DGLUCY: variants seen among roughly 807,000 people sequenced by gnomAD.
DGLUCY encodes D-glutamate cyclase, also known as D-glutamate cyclase, mitochondrial.
DGLUCY carries 58 observed loss-of-function variants against 58.5 expected under a neutral mutation model. The ratio of observed to expected loss-of-function variants is 0.99; its 90% confidence interval spans 0.80 to 1.23. The LOEUF (loss-of-function observed/expected upper bound fraction) is 1.23. Among genes scored for constraint, DGLUCY ranks in the 50% most tolerant of loss-of-function variants. The pLI, the probability that DGLUCY is intolerant of heterozygous loss-of-function variation, is 0.00. For synonymous variants in DGLUCY, 325 were observed against 314.1 expected (o/e 1.03, Z -0.37); for missense variants, 779 against 784.7 (o/e 0.99, Z 0.09).
chr14:91,181,098 C>A (rs2049142224), intron 7 of DGLUCY, 88 bp from the exon 8 acceptor site: 4 of 1,266,020 alleles, frequency 3.2e-6, no homozygotes, highest in Admixed American at 1.9e-5. Context: ...TGGCCAGGTG[C>A]CATCTTGCCT....
chr14:91,187,960 G>A (rs10135658), intron 8 of DGLUCY, among the ~76,000 whole-genome samples: 12,727 of 152,106 alleles, frequency 0.084, 1,548 homozygotes, highest in African/African-American at 0.27. Context: ...GGAATCCCCA[G>A]CTAATGGTGC....
intron 1 of DGLUCY, among the ~76,000 whole-genome samples, chr14:91,096,526 G>A (rs2080305174): frequency 6.6e-6 from 1 of 152,188 alleles, no homozygotes; most frequent in East Asian, 1.9e-4. Context: ...GTCAGTAACG[G>A]ATGGAGGAGT....
intron 7 of DGLUCY, 53 bp downstream of exon 7, chr14:91,176,109 G>T: frequency 6.3e-7 from 1 of 1,588,616 alleles, no homozygotes; most frequent in Non-Finnish European, 8.6e-7. Context: ...GAGCCCAGTG[G>T]GGTCTAGTTC....
intron 10 of DGLUCY, among the ~76,000 whole-genome samples, chr14:91,198,791 T>C (rs1308191844): frequency 2.6e-5 from 4 of 152,142 alleles, no homozygotes; most frequent in Admixed American, 2.6e-4. Flanking sequence ...CATGTTTCCC[T>C]TTGAACACTG....
At chr14:91,070,880 A>G (rs938484460) in intron 1 of DGLUCY, among the ~76,000 whole-genome samples, 1 of 152,240 alleles carries the variant, frequency 6.6e-6, no homozygotes, top group Non-Finnish European at 1.5e-5. Context: ...CACTGTGTCA[A>G]GGTAAAATGA....
intron 1 of DGLUCY, among the ~76,000 whole-genome samples, chr14:91,131,232 G>A (rs371699999): frequency 5.3e-5 from 8 of 152,264 alleles, no homozygotes; most frequent in Admixed American, 2.6e-4. Flanking sequence ...TTATAGACAC[G>A]GAATATCATG....
chr14:91,074,294 CAAAA>C (rs55872945), intron 1 of DGLUCY, among the ~76,000 whole-genome samples: 1,036 of 103,244 alleles, frequency 0.01, 10 homozygotes, highest in South Asian at 0.024. Context: ...TACCCTGTCT[CAAAA>C]AAAAAAAAAA....
At chr14:91,171,186 A>G (rs997991116) in intron 5 of DGLUCY, among the ~76,000 whole-genome samples, 1 of 152,160 alleles carries the variant, frequency 6.6e-6, no homozygotes, top group African/African-American at 2.4e-5. Flanking sequence ...GAGGAAACCG[A>G]GGTCTAAAGA....
At chr14:91,064,640 A>G (rs910220972) in intron 1 of DGLUCY, among the ~76,000 whole-genome samples, 33 of 151,598 alleles carry the variant, frequency 2.2e-4, no homozygotes, top group African/African-American at 5.6e-4. Context: ...AAAAAAAAAA[A>G]AAAGAAAAGA....
rs189949781 is a variant in DGLUCY at position 91,179,700 on chromosome 14, G to A, written c.731-1486G>A. On this transcript the variant is annotated intron_variant, in intron 7 of 13. Coordinates refer to ENST00000256324, the MANE Select transcript of DGLUCY (RefSeq NM_001102368.3). ...CGGGAGGCAGAGGTTGCAGTGAGCCGAGATCGCACCACTGCACTCCAACCT... is the reference window on the plus strand; with the variant it reads ...CGGGAGGCAGAGGTTGCAGTGAGCCAAGATCGCACCACTGCACTCCAACCT... Among the ~76,000 whole-genome samples, 347 of 148,944 alleles carry A rather than the reference G, an allele frequency of 2.3e-3. 7 individuals carry two copies. Among genetic ancestry groups the A allele is most frequent in the African/African-American group, 8.1e-3 (326 of 40,366 alleles).
chr14:91,074,906 C>G (rs182733706), intron 1 of DGLUCY, among the ~76,000 whole-genome samples: 1 of 152,140 alleles, frequency 6.6e-6, no homozygotes, highest in Admixed American at 6.5e-5. Context: ...AACCCCATCT[C>G]TACTAAAAAT....
Position 91,204,843 on chromosome 14 carries a change from C to A in DGLUCY, c.1564+18C>A. On this transcript the variant is annotated intron_variant, in intron 12 of 13. Coordinates refer to ENST00000256324, the MANE Select transcript of DGLUCY (RefSeq NM_001102368.3). ...CATTGCTGGTGAGCACTCGGATGGCCGCCCAGTCCGGCCGGCTACCCAGGG... is the reference window on the plus strand; with the variant it reads ...CATTGCTGGTGAGCACTCGGATGGCAGCCCAGTCCGGCCGGCTACCCAGGG... 1 of 1,613,684 alleles carries A rather than the reference C, an allele frequency of 6.2e-7. No individual in the cohort carries two copies. Among genetic ancestry groups the A allele is most frequent in the South Asian group, 1.1e-5 (1 of 91,034 alleles).
At chr14:91,190,266 C>G (rs1159421968) in intron 9 of DGLUCY, among the ~76,000 whole-genome samples, 1 of 152,088 alleles carries the variant, frequency 6.6e-6, no homozygotes, top group Non-Finnish European at 1.5e-5. Context: ...GGATTACAGG[C>G]GTGAGCCACC....
At chr14:91,166,033 A>G (rs981130890) in intron 3 of DGLUCY, among the ~76,000 whole-genome samples, 6 of 152,258 alleles carry the variant, frequency 3.9e-5, no homozygotes, top group Admixed American at 2.0e-4. Context: ...ATGCAACAAT[A>G]TGAATGAATC....
chr14:91,111,202 A>ATGTG (rs71120113), upstream of DGLUCY, among the ~76,000 whole-genome samples: 18 of 46,348 alleles, frequency 3.9e-4, no homozygotes, highest in African/African-American at 8.4e-4. Context: ...ATTTATATAT[A>ATGTG]TGTGTGTGTG....
chr14:91,174,668 G>A (rs965733228), intron 6 of DGLUCY, among the ~76,000 whole-genome samples: 3 of 152,188 alleles, frequency 2.0e-5, no homozygotes, highest in African/African-American at 4.8e-5. Flanking sequence ...TCTGTGAGCT[G>A]CTCCAGGAAA....
chr14:91,173,356 C>T lies in DGLUCY; in HGVS notation c.524C>T (p.Pro175Leu). 1 of 1,613,870 alleles carries T rather than the reference C, an allele frequency of 6.2e-7. No individual in the cohort carries two copies. The highest frequency in any genetic ancestry group is 8.5e-7 in the Non-Finnish European group (1 of 1,179,982). Residue 175 changes from proline (P) to leucine (L), a missense_variant, in exon 6 of 14, where the codon CCC becomes CTC. Pro to Leu is a moderately conservative substitution (Grantham distance 98, BLOSUM62 -3). Transcript: ENST00000256324. The stretch of plus-strand genomic sequence containing the variant: ...CTGGTGGTCACGATGAGGCCCATTC[C>T]CAAGGACAAGCTGGAAGGGCTGGTG... ...CPLVVTMRPI[P>L]KDKLEGLVRA...
intron 9 of DGLUCY, 99 bp from the exon 10 acceptor site, chr14:91,196,276 A>G (rs1566999078): frequency 1.2e-6 from 1 of 844,100 alleles, no homozygotes. Flanking sequence ...GTTCAACAAC[A>G]GTAATGATAC....
At chr14:91,209,328 A>G (rs1417692049) in intron 12 of DGLUCY, among the ~76,000 whole-genome samples, 1 of 152,152 alleles carries the variant, frequency 6.6e-6, no homozygotes, top group Non-Finnish European at 1.5e-5. Flanking sequence ...AACAAAGGCA[A>G]TAAAGAAAAC....
Sources: allele counts gnomAD v4.1 joint callset (sites outside exome capture counted in the v4.1 genomes callset), GRCh38; gene constraint gnomAD v4.1.1; transcripts MANE v1.5; gene names NCBI Gene and HGNC (gene_info 2026-07-23, HGNC 2026-07-21).